CEP135: variants seen among roughly 807,000 people sequenced by gnomAD.
The protein encoded by CEP135 is centrosomal protein of 135 kDa.
Under a neutral mutation model 157.3 loss-of-function variants are expected in CEP135, and 142 were observed. That is an observed-to-expected ratio of 0.90 (90% CI 0.79 to 1.04). The LOEUF (loss-of-function observed/expected upper bound fraction) is 1.04. Among genes scored for constraint, CEP135 ranks in the 50% least tolerant of loss-of-function variants. The pLI is 0.00. For missense variants in CEP135, 1,317 were observed against 1,309.2 expected (o/e 1.01, Z -0.09); for synonymous variants, 396 against 439.8 (o/e 0.90, Z 1.25).
At chr4:56,012,076 G>A (rs77831235) in intron 21 of CEP135, 91 bp downstream of exon 21, 2 of 872,848 alleles carry the variant, frequency 2.3e-6, no homozygotes, top group Non-Finnish European at 1.6e-6. Flanking sequence ...TATTTTTTTT[G>A]AGATGAAGTC....
chr4:55,980,020 T>C (rs536937805), intron 11 of CEP135, 123 bp from the exon 12 acceptor site: 343 of 795,180 alleles, frequency 4.3e-4, no homozygotes, highest in Middle Eastern at 6.6e-4. Flanking sequence ...CTGTGTTCCT[T>C]AATTACGTTA....
In CEP135 at chr4:55,969,082, T is replaced by C; in HGVS notation, c.1064T>C (p.Leu355Pro). The C allele has an allele frequency of 6.2e-7, 1 of 1,612,852 alleles. No homozygotes were observed. The highest frequency in any genetic ancestry group is 8.5e-7 in the Non-Finnish European group (1 of 1,179,430). The change falls in exon 9 of 26, where the codon CTC becomes CCC. Residue 355 changes from leucine (L) to proline (P), a missense_variant. Coordinates refer to ENST00000257287, the MANE Select transcript of CEP135 (RefSeq NM_025009.5). ...TCCTAGAAAGAGATTAAAAGAAAGCTCTCTGAAATGCAGGATCTTGAAGAA... is the reference window on the plus strand; with the variant it reads ...TCCTAGAAAGAGATTAAAAGAAAGCCCTCTGAAATGCAGGATCTTGAAGAA... Reference protein sequence around the residue: ...GEAKKEIKRKLSEMQDLEETM... With the variant: ...GEAKKEIKRKPSEMQDLEETM...
chr4:55,979,552 A>G (rs1055044232), intron 11 of CEP135, among the ~76,000 whole-genome samples: 1 of 152,164 alleles, frequency 6.6e-6, no homozygotes. Context: ...CTTAGATTCA[A>G]TCATAGAAAA....
chr4:55,955,870 TGTTCTCAAAAGTGTGG>T, intron 4 of CEP135, among the ~76,000 whole-genome samples: 1 of 152,182 alleles, frequency 6.6e-6, no homozygotes, highest in East Asian at 1.9e-4. Flanking sequence ...TATGTAGATC[TGTTCTCAAAAGTGTGG>T]GCCCTGGTGG....
At chr4:56,022,040 A>C (rs774196354) in intron 24 of CEP135, among the ~76,000 whole-genome samples, 1 of 152,154 alleles carries the variant, frequency 6.6e-6, no homozygotes, top group African/African-American at 2.4e-5. Context: ...AAAACAAACA[A>C]ACCAACAAAA....
At chr4:55,967,030 G>A (rs928182710) in intron 8 of CEP135, among the ~76,000 whole-genome samples, 3 of 151,516 alleles carry the variant, frequency 2.0e-5, no homozygotes, top group African/African-American at 7.3e-5. Flanking sequence ...CTAGTTTTAT[G>A]CTTGAAAATC....
At chr4:56,010,692 A>T (rs542416698) in intron 19 of CEP135, among the ~76,000 whole-genome samples, 1 of 152,204 alleles carries the variant, frequency 6.6e-6, no homozygotes, top group Non-Finnish European at 1.5e-5. Flanking sequence ...TAGAATGGCA[A>T]GTACTGAAAG....
chr4:55,974,838 A>C lies in CEP135; in HGVS notation c.1342A>C (p.Lys448Gln), dbSNP rs1201188816. 6.2e-7 allele frequency: 1 copy of C among 1,613,876 alleles called. No individual in the cohort carries two copies. The highest frequency in any genetic ancestry group is 1.1e-5 in the South Asian group (1 of 91,064). The change falls in exon 11 of 26, where the codon AAA becomes CAA. Residue 448 changes from lysine to glutamine, a missense_variant. Lys to Gln is a moderately conservative substitution (Grantham distance 53, BLOSUM62 1). Coordinates refer to ENST00000257287, the MANE Select transcript of CEP135 (RefSeq NM_025009.5). ...RSPSRLDTFL[K>Q]GIEEERDYYK... ...ACCTTCTCGTTTAGATACATTTCTGAAAGGTATAGAAGAAGAACGAGATTA... is the reference window on the plus strand; with the variant it reads ...ACCTTCTCGTTTAGATACATTTCTGCAAGGTATAGAAGAAGAACGAGATTA...
chr4:55,961,476 C>T (rs1262001751), intron 6 of CEP135, among the ~76,000 whole-genome samples: 1 of 151,852 alleles, frequency 6.6e-6, no homozygotes, highest in Non-Finnish European at 1.5e-5. Context: ...ATATAATACC[C>T]ATCTTTGGCC....
intron 21 of CEP135, among the ~76,000 whole-genome samples, chr4:56,014,168 C>T (rs910647731): frequency 1.3e-5 from 2 of 152,120 alleles, no homozygotes; most frequent in Non-Finnish European, 2.9e-5. Flanking sequence ...TTTTTTAGGC[C>T]ACACAATTTG....
At chr4:55,949,898 T>C (rs1450334255) in intron 1 of CEP135, among the ~76,000 whole-genome samples, 1 of 152,240 alleles carries the variant, frequency 6.6e-6, no homozygotes, top group African/African-American at 2.4e-5. Flanking sequence ...ATATTCATTC[T>C]CATTCTCTCC....
chr4:55,953,019 A>G (rs1728405842), intron 2 of CEP135, 66 bp from the exon 3 acceptor site: 4 of 1,330,384 alleles, frequency 3.0e-6, no homozygotes, highest in South Asian at 1.6e-5. Flanking sequence ...CTCTTTAGAA[A>G]TATGTTTTTA....
At chr4:55,996,898 T>C (rs887590051) in intron 15 of CEP135, among the ~76,000 whole-genome samples, 10 of 152,144 alleles carry the variant, frequency 6.6e-5, no homozygotes, top group Non-Finnish European at 1.0e-4. Flanking sequence ...CTAAATGAGA[T>C]CATGTGTAGC....
intron 24 of CEP135, among the ~76,000 whole-genome samples, chr4:56,023,306 A>C (rs1330180189): frequency 6.6e-6 from 1 of 152,100 alleles, no homozygotes; most frequent in Non-Finnish European, 1.5e-5. Context: ...AACAGAGCTA[A>C]GGAGAGATCA....
At position 55,980,237 on chromosome 4, in the gene CEP135, A is replaced by G. The variant is rs1327561720; in HGVS notation, c.1568A>G (p.Gln523Arg). 6.3e-7 allele frequency: 1 copy of G among 1,575,104 alleles called. No individual in the cohort carries two copies. Among genetic ancestry groups the G allele is most frequent in the Non-Finnish European group, 8.7e-7 (1 of 1,146,040 alleles). ...ERFEKYMEDI[Q>R]SNVKLLTAER... ...TTTGAAAAATATATGGAAGATATAC[A>G]GTCCAATGTTAAATTATTGACAGCA... Residue 523 changes from glutamine to arginine, a missense_variant, in exon 12 of 26, where the codon CAG becomes CGG. Gln to Arg is a conservative substitution (Grantham distance 43). Coordinates refer to ENST00000257287, the MANE Select transcript of CEP135 (RefSeq NM_025009.5).
chr4:56,029,300 T>G (rs560654848), intron 25 of CEP135, among the ~76,000 whole-genome samples: 1 of 152,318 alleles, frequency 6.6e-6, no homozygotes, highest in African/African-American at 2.4e-5. Flanking sequence ...CCATTCATGA[T>G]CAATTCAACC....
At chr4:56,030,386 G>A (rs1731299172) in intron 25 of CEP135, among the ~76,000 whole-genome samples, 1 of 152,192 alleles carries the variant, frequency 6.6e-6, no homozygotes, top group South Asian at 2.1e-4. Context: ...CTTTTATGCA[G>A]TCTGTCATTG....
At chr4:55,985,804 G>A (rs1433375104) in intron 14 of CEP135, among the ~76,000 whole-genome samples, 1 of 152,138 alleles carries the variant, frequency 6.6e-6, no homozygotes, top group Admixed American at 6.5e-5. Flanking sequence ...GCTGGGCATG[G>A]TGGTGCACAC....
chr4:55,992,960 T>C (rs1344372309), intron 15 of CEP135, among the ~76,000 whole-genome samples: 1 of 152,176 alleles, frequency 6.6e-6, no homozygotes, highest in Non-Finnish European at 1.5e-5. Context: ...GAAATACCTC[T>C]CTCTAAATTA....
Sources: gnomAD v4.1 joint callset for allele counts (sites outside exome capture counted in the v4.1 genomes callset) on GRCh38, gnomAD v4.1.1 for gene constraint, MANE v1.5 for transcripts, NCBI Gene and HGNC (gene_info 2026-07-23, HGNC 2026-07-21) for gene names.